The following SLC35F4 variants were observed in gnomAD, a reference collection of about 807,000 sequenced individuals.
SLC35F4 encodes the protein solute carrier family 35 member F4.
SLC35F4 carries 24 observed loss-of-function variants against 44.2 expected under a neutral mutation model. The ratio of observed to expected loss-of-function variants is 0.54; its 90% CI spans 0.39 to 0.76. The LOEUF (loss-of-function observed/expected upper bound fraction) is 0.76, where lower values mean the gene tolerates loss of function less well. Ranked by LOEUF, SLC35F4 falls within the 30% of genes least tolerant of loss-of-function variation. SLC35F4 has a pLI of 0.00. For missense variants in SLC35F4, 562 were observed against 586.1 expected, an observed-to-expected ratio of 0.96 and a Z score of 0.42; for synonymous variants, 238 against 223.6, an observed-to-expected ratio of 1.06 and a Z score of -0.57.
At chr14:57,867,602 A>ACG (rs1555398938), upstream of SLC35F4, among the ~76,000 whole-genome samples, 9 of 147,996 alleles carry the variant, frequency 6.1e-5, no homozygotes, top group East Asian at 2.1e-4. Flanking sequence ...ATGCCTTTAC[A>ACG]CCCCCCCCCA....
chr14:57,937,640 GAAAAGAAAAGAAAAA>G lies in SLC35F4; in HGVS notation n.282+44258_282+44272del, dbSNP rs1252589156. 5.3e-3 allele frequency among the ~76,000 whole-genome samples: 553 copies of G among 105,100 alleles called. 3 individuals carry two copies. Among genetic ancestry groups the G allele is most frequent in the African/African-American group, 0.019 (462 of 23,774 alleles). 68.9% of individuals were successfully genotyped at this position (105,100 alleles called of 152,430 possible). A position where few individuals can be genotyped will look rare whatever the true frequency, so the allele number is the denominator to read the frequency against. On this transcript the variant is annotated intron_variant and non_coding_transcript_variant, in intron 1 of 1. Transcript: ENST00000556568. ...GAAAAGAAAAGAAAAGAAAAGAAAAGAAAAGAAAAGAAAAAAGAAAAGAAAAAGATATCACAAAGG... is the reference window on the plus strand; with the variant it reads ...GAAAAGAAAAGAAAAGAAAAGAAAAGAGAAAAGAAAAAGATATCACAAAGG...
intron 1 of SLC35F4, among the ~76,000 whole-genome samples, chr14:57,865,422 C>A (rs2141020904): frequency 6.6e-6 from 1 of 152,320 alleles, no homozygotes. Context: ...CCAGGGTGAG[C>A]CGGCCAACGG....
intron 1 of SLC35F4, among the ~76,000 whole-genome samples, chr14:57,877,819 G>A: frequency 6.6e-6 from 1 of 150,842 alleles, no homozygotes; most frequent in East Asian, 2.0e-4. Context: ...CAAGTAGATG[G>A]GATTACAGGC....
intron 1 of SLC35F4, among the ~76,000 whole-genome samples, chr14:57,693,217 T>C (rs1461570757): frequency 1.3e-5 from 2 of 152,198 alleles, no homozygotes; most frequent in African/African-American, 4.8e-5. Context: ...ATTTACCAAA[T>C]GAGTAGGGCA....
At chr14:57,859,022 T>C (rs1167734075) in intron 1 of SLC35F4, among the ~76,000 whole-genome samples, 1 of 151,960 alleles carries the variant, frequency 6.6e-6, no homozygotes, top group Non-Finnish European at 1.5e-5. Flanking sequence ...GGAGGATGGC[T>C]TGGGCCCAGG....
At chr14:57,827,220 G>C (rs1468952729) in intron 1 of SLC35F4, among the ~76,000 whole-genome samples, 1 of 152,182 alleles carries the variant, frequency 6.6e-6, no homozygotes, top group African/African-American at 2.4e-5. Context: ...GACATGGATG[G>C]AGCTGGAAGC....
chr14:57,748,243 C>T (rs7492945), intron 1 of SLC35F4, among the ~76,000 whole-genome samples: 2 of 152,034 alleles, frequency 1.3e-5, no homozygotes, highest in African/African-American at 2.4e-5. Flanking sequence ...ATTGGAGCCC[C>T]AAATACTGAA....
intron 1 of SLC35F4, among the ~76,000 whole-genome samples, chr14:57,728,780 A>G (rs2076276420): frequency 6.6e-6 from 1 of 151,786 alleles, no homozygotes; most frequent in African/African-American, 2.4e-5. Context: ...TTGATTTCTT[A>G]TTGTTCATCT....
chr14:57,865,573 G>T (rs1888086976), intron 1 of SLC35F4, 150 bp downstream of exon 1: 1 of 594,994 alleles, frequency 1.7e-6, no homozygotes, highest in Non-Finnish European at 2.8e-6. Context: ...TTCTCCCCGG[G>T]GGGTCCCCGC....
At chr14:57,888,523 G>C (rs962835138) in intron 1 of SLC35F4, among the ~76,000 whole-genome samples, 1 of 152,148 alleles carries the variant, frequency 6.6e-6, no homozygotes, top group African/African-American at 2.4e-5. Context: ...ATGAAACAAT[G>C]AATGTCAAAC....
chr14:57,839,218 T>C (rs768350496), intron 1 of SLC35F4, among the ~76,000 whole-genome samples: 1 of 152,174 alleles, frequency 6.6e-6, no homozygotes, highest in African/African-American at 2.4e-5. Flanking sequence ...ATTTCTCTGT[T>C]CCTGTTCAGC....
chr14:57,903,350 A>C (rs979563733), intron 1 of SLC35F4, among the ~76,000 whole-genome samples: 1 of 152,228 alleles, frequency 6.6e-6, no homozygotes, highest in Admixed American at 6.5e-5. Flanking sequence ...GCCAGACCTC[A>C]CCTGGGGAAT....
At position 57,635,143 on chromosome 14, in the gene SLC35F4, AG is replaced by A. The variant is rs575398164; in HGVS notation, c.104-41020del. Among the ~76,000 whole-genome samples, 209 of 151,652 alleles carry A rather than the reference AG, an allele frequency of 1.4e-3. 1 individual carries two copies. Among genetic ancestry groups the A allele is most frequent in the African/African-American group, 4.4e-3 (184 of 41,380 alleles). On this transcript the variant is annotated intron_variant, in intron 1 of 7. Transcript: ENST00000556826. The stretch of plus-strand genomic sequence containing the variant: ...CACCTATAGTCCTAGCTACTTGGGA[AG>A]CTGAGGCAGGAGGATTGCTTGAGCT...
chr14:57,742,218 T>C (rs2076629547), intron 1 of SLC35F4, among the ~76,000 whole-genome samples: 1 of 152,156 alleles, frequency 6.6e-6, no homozygotes, highest in African/African-American at 2.4e-5. Context: ...AATTCACACA[T>C]AACAGTATTA....
intron 1 of SLC35F4, among the ~76,000 whole-genome samples, chr14:57,660,867 A>G (rs1001278721): frequency 6.6e-6 from 1 of 152,080 alleles, no homozygotes; most frequent in African/African-American, 2.4e-5. Context: ...CCCTCAGTGA[A>G]GCTTACTCCC....
intron 1 of SLC35F4, among the ~76,000 whole-genome samples, chr14:57,664,188 A>G (rs2074232362): frequency 6.6e-6 from 1 of 152,196 alleles, no homozygotes; most frequent in African/African-American, 2.4e-5. Flanking sequence ...TGTGCAGAGA[A>G]CACACATCTA....
rs1436331583 is a variant in SLC35F4, at chr14:57,722,367, A to G, written c.104-128243T>C. Among the ~76,000 whole-genome samples the G allele has an allele frequency of 7.2e-5, 11 of 152,348 alleles. No homozygotes were observed. In the South Asian group the frequency reaches 2.1e-3, roughly 29 times the overall value. The stretch of plus-strand genomic sequence containing the variant: ...AAGGATCAAAAGGCTTAGGGAGATT[A>G]GAATGGTGGAGTGGATTAGTCACTT... On this transcript the variant is annotated intron_variant, in intron 1 of 7. Transcript: ENST00000556826.
chr14:57,586,922 G>A (rs2069783063), intron 3 of SLC35F4, among the ~76,000 whole-genome samples: 1 of 132,616 alleles, frequency 7.5e-6, no homozygotes, highest in African/African-American at 2.8e-5. Context: ...AGGGCTAATA[G>A]CCAGAATCTA....
intron 1 of SLC35F4, among the ~76,000 whole-genome samples, chr14:57,794,760 A>T (rs778871018): frequency 6.6e-5 from 10 of 150,684 alleles, no homozygotes; most frequent in Non-Finnish European, 1.5e-4. Flanking sequence ...TATAAATGCT[A>T]TGACTGTAGT....
Sources: allele counts gnomAD v4.1 joint callset (sites outside exome capture counted in the v4.1 genomes callset), GRCh38; gene constraint gnomAD v4.1.1; transcripts MANE v1.5; gene names NCBI Gene and HGNC (gene_info 2026-07-23, HGNC 2026-07-21).